TMC1: variants seen among roughly 807,000 people sequenced by gnomAD.
TMC1 encodes the protein transmembrane channel like 1, also known as transmembrane channel-like protein 1.
A neutral mutation model predicts 105.8 loss-of-function variants in TMC1; 84 were observed. The ratio of observed to expected loss-of-function variants is 0.79; its 90% CI spans 0.67 to 0.95. The LOEUF is 0.95. TMC1 is among the 40% of genes least tolerant of loss of function. TMC1 has a pLI of 0.00. For synonymous variants in TMC1, 315 were observed against 311.5 expected, an observed-to-expected ratio of 1.01 and a Z score of -0.12; for missense variants, 817 against 914.1, an observed-to-expected ratio of 0.89 and a Z score of 1.37.
At chr9:72,605,575 A>AT (rs376876900) in intron 2 of TMC1, among the ~76,000 whole-genome samples, 56,139 of 131,648 alleles carry the variant, frequency 0.43, 12,522 homozygotes, top group African/African-American at 0.53. Flanking sequence ...AGTCAGATTA[A>AT]TTTTTTTTTT....
intron 18 of TMC1, among the ~76,000 whole-genome samples, chr9:72,812,052 A>G (rs116109824): frequency 0.012 from 1,761 of 152,290 alleles, 29 homozygotes; most frequent in African/African-American, 0.04. Flanking sequence ...GAGTCTCATC[A>G]CCTTCAAAGC....
intron 8 of TMC1, among the ~76,000 whole-genome samples, chr9:72,703,502 T>A (rs1826679990): frequency 6.6e-6 from 1 of 152,220 alleles, no homozygotes; most frequent in African/African-American, 2.4e-5. Context: ...TGGTCCTACA[T>A]TCTTCCATCA....
intron 17 of TMC1, 167 bp from the exon 18 acceptor site, chr9:72,805,215 G>A (rs1828551182): frequency 1.8e-6 from 1 of 550,652 alleles, no homozygotes; most frequent in South Asian, 2.9e-5. Flanking sequence ...AATAAAGTCA[G>A]GGTGAAATAT....
intron 12 of TMC1, among the ~76,000 whole-genome samples, chr9:72,763,506 G>A (rs1393924798): frequency 6.6e-6 from 1 of 152,184 alleles, no homozygotes; most frequent in African/African-American, 2.4e-5. Flanking sequence ...CTAAAGGAAG[G>A]AGACAGATAA....
In TMC1 at chr9:72,772,288, T is replaced by A. The variant is rs141112557; in HGVS notation, c.742-125T>A. The A allele has an allele frequency of 0.034, 39,311 of 1,162,898 alleles. 872 individuals carry two copies. Among genetic ancestry groups the A allele is most frequent in the Non-Finnish European group, 0.043 (33,483 of 777,466 alleles). 72.0% of individuals were successfully genotyped at this position (1,162,898 alleles called of 1,614,324 possible). ...ACTTTATGGAGCAAAACAATAGGGCTCATGTCAGAGCTGTGACCCAAGTTT... is the reference window on the plus strand; with the variant it reads ...ACTTTATGGAGCAAAACAATAGGGCACATGTCAGAGCTGTGACCCAAGTTT... On this transcript the variant is annotated intron_variant, in intron 12 of 23. Coordinates refer to ENST00000297784, the MANE Select transcript of TMC1 (RefSeq NM_138691.3).
At chr9:72,640,044 CA>C (rs1385590470) in intron 4 of TMC1, among the ~76,000 whole-genome samples, 1 of 152,010 alleles carries the variant, frequency 6.6e-6, no homozygotes, top group Non-Finnish European at 1.5e-5. Flanking sequence ...TTTGCCAATC[CA>C]ATTTTTTTTT....
Position 72,762,783 on chromosome 9 carries a change from C to T in TMC1, c.741+7899C>T, listed in dbSNP as rs149322271. Among the ~76,000 whole-genome samples, 1,349 of 152,242 alleles carry T rather than the reference C, an allele frequency of 8.9e-3. 18 individuals carry two copies. Among genetic ancestry groups the T allele is most frequent in the African/African-American group, 0.031 (1,281 of 41,520 alleles). ...GGTGGGCTGCTGCTCAGGCATGTAA[C>T]GCTGGGACTGGCAGTATCAAAGGGC... On this transcript the variant is annotated intron_variant, in intron 12 of 23. Transcript: ENST00000297784.
chr9:72,530,721 T>C (rs926443170), intron 1 of TMC1, among the ~76,000 whole-genome samples: 3 of 152,146 alleles, frequency 2.0e-5, no homozygotes, highest in African/African-American at 7.2e-5. Flanking sequence ...AATTCTCTTT[T>C]TAGCTATGTC....
Position 72,700,591 on chromosome 9 carries a change from G to T in TMC1, c.310G>T (p.Ala104Ser), listed in dbSNP as rs1310537268. ...GTTAGATGAGAAAAGACAAATAATT[G>T]CTACTGTCAAATGCAAACCATGGAA... ...AELDEKRQII[A>S]TVKCKPWKME... Residue 104 changes from alanine to serine, a missense_variant, in exon 8 of 24, where the codon GCT (alanine) becomes TCT (serine). Physicochemically the swap from Ala to Ser is moderately conservative, Grantham distance 99. Transcript: ENST00000297784. 1.2e-6 allele frequency: 2 copies of T among 1,608,510 alleles called. No homozygotes were observed. The highest frequency in any genetic ancestry group is 2.7e-5 in the African/African-American group (2 of 74,754).
At position 72,532,470 on chromosome 9, in the gene TMC1, G is replaced by T. The variant is rs548409355; in HGVS notation, c.-428+10557G>T. On this transcript the variant is annotated intron_variant, in intron 1 of 23. Transcript: ENST00000297784. ...GCAGGAGAATCGCTTGAATCTGGGA[G>T]GCAGAGGTTGCAGTGAGCCGAGATC... 1.6e-4 allele frequency among the ~76,000 whole-genome samples: 24 copies of T among 148,788 alleles called. No individual in the cohort carries two copies. In the South Asian group the frequency reaches 4.9e-3, roughly 31 times the overall value.
chr9:72,551,076 G>C (rs1363172232), intron 1 of TMC1, among the ~76,000 whole-genome samples: 2 of 152,136 alleles, frequency 1.3e-5, no homozygotes. Flanking sequence ...GATGGAGGAA[G>C]GGGCTGAGAG....
intron 2 of TMC1, among the ~76,000 whole-genome samples, chr9:72,594,205 G>T (rs959611822): frequency 2.6e-5 from 4 of 152,136 alleles, no homozygotes; most frequent in African/African-American, 9.7e-5. Context: ...AAGACCTGAA[G>T]AAATGGACAA....
At chr9:72,581,372 C>G (rs1824471612) in intron 2 of TMC1, among the ~76,000 whole-genome samples, 1 of 152,152 alleles carries the variant, frequency 6.6e-6, no homozygotes, top group African/African-American at 2.4e-5. Flanking sequence ...GTATCTCTGG[C>G]CATCTGTGAT....
At chr9:72,779,941 C>T (rs1022304969) in intron 13 of TMC1, among the ~76,000 whole-genome samples, 2 of 152,030 alleles carry the variant, frequency 1.3e-5, no homozygotes, top group African/African-American at 4.8e-5. Context: ...AAAAGATGAC[C>T]ATCCCCAAGA....
At chr9:72,779,033 A>G (rs1166461744) in intron 13 of TMC1, among the ~76,000 whole-genome samples, 2 of 152,022 alleles carry the variant, frequency 1.3e-5, no homozygotes, top group African/African-American at 4.8e-5. Flanking sequence ...GTTGCCAGCA[A>G]CCCTCATGGA....
intron 5 of TMC1, among the ~76,000 whole-genome samples, chr9:72,674,831 A>T (rs1464377539): frequency 6.6e-6 from 1 of 152,198 alleles, no homozygotes; most frequent in African/African-American, 2.4e-5. Flanking sequence ...TGTCCATGGA[A>T]TCCATTAAAA....
intron 13 of TMC1, among the ~76,000 whole-genome samples, chr9:72,773,556 C>A (rs143533736): frequency 4.1e-4 from 63 of 152,276 alleles, no homozygotes; most frequent in African/African-American, 1.5e-3. Flanking sequence ...ATTTATCAAC[C>A]TGCTAAAGTG....
chr9:72,816,268 C>A (rs1828786810), intron 19 of TMC1, 58 bp downstream of exon 19: 2 of 1,508,616 alleles, frequency 1.3e-6, no homozygotes, highest in East Asian at 4.5e-5. Context: ...GTTATTTTTG[C>A]ATACAGCATT....
chr9:72,737,080 A>C (rs1827311015), intron 8 of TMC1, among the ~76,000 whole-genome samples: 1 of 152,120 alleles, frequency 6.6e-6, no homozygotes, highest in Admixed American at 6.6e-5. Flanking sequence ...TTGTTGTCCC[A>C]GTTGTGAGCA....
Sources: gnomAD v4.1 joint callset for allele counts (sites outside exome capture counted in the v4.1 genomes callset) on GRCh38, gnomAD v4.1.1 for gene constraint, MANE v1.5 for transcripts, NCBI Gene and HGNC (gene_info 2026-07-23, HGNC 2026-07-21) for gene names.